THSD7B: variants seen among roughly 807,000 people sequenced by gnomAD.
THSD7B encodes thrombospondin type 1 domain containing 7B.
A neutral mutation model predicts 213.6 loss-of-function variants in THSD7B; 138 were observed. The observed-to-expected ratio is 0.65, with a 90% CI of 0.56 to 0.74. The LOEUF is 0.74. Among genes scored for constraint, THSD7B ranks in the 30% least tolerant of loss-of-function variants. THSD7B has a pLI of 0.00. For synonymous variants in THSD7B, 742 were observed against 687.0 expected, an observed-to-expected ratio of 1.08 and a Z score of -1.25; for missense variants, 1,931 against 1,991.5, an observed-to-expected ratio of 0.97 and a Z score of 0.58.
chr2:137,149,124 C>A (rs987443262), intron 5 of THSD7B, among the ~76,000 whole-genome samples: 2 of 152,156 alleles, frequency 1.3e-5, no homozygotes, highest in Non-Finnish European at 2.9e-5. Flanking sequence ...TAAAAGGAGC[C>A]AATATACAGC....
chr2:137,264,388 G>A (rs11690466), intron 10 of THSD7B, among the ~76,000 whole-genome samples: 14,719 of 151,974 alleles, frequency 0.097, 864 homozygotes, highest in Non-Finnish European at 0.13. Context: ...GAGTAGCTGG[G>A]ACTACAGGCA....
rs188081975 is a variant in THSD7B, at chr2:137,533,997, T to G, written c.3139-29224T>G. ...TTTATTAAATAACTGCCCGTGCACA[T>G]GTATGTGTGTGTGTGTGCGCGCACA... is the stretch of plus-strand genomic sequence containing the variant. On this transcript the variant is annotated intron_variant, in intron 15 of 27. Coordinates refer to ENST00000409968, the MANE Select transcript of THSD7B (RefSeq NM_001316349.2). Among the ~76,000 whole-genome samples the G allele has an allele frequency of 2.6e-3, 347 of 133,716 alleles. 1 individual carries two copies. Among genetic ancestry groups the G allele is most frequent in the African/African-American group, 9.9e-3 (328 of 33,066 alleles). 87.7% of individuals were successfully genotyped at this position (133,716 alleles called of 152,430 possible).
At chr2:137,142,659 G>A (rs1382161250) in intron 5 of THSD7B, among the ~76,000 whole-genome samples, 1 of 151,898 alleles carries the variant, frequency 6.6e-6, no homozygotes, top group African/African-American at 2.4e-5. Flanking sequence ...TAACTTTTAT[G>A]TCTTTTTTAT....
At chr2:137,438,179 G>T (rs1039961628) in intron 14 of THSD7B, among the ~76,000 whole-genome samples, 1 of 152,084 alleles carries the variant, frequency 6.6e-6, no homozygotes, top group Non-Finnish European at 1.5e-5. Context: ...AGATTGGAGA[G>T]GTTCAATGAC....
intron 3 of THSD7B, among the ~76,000 whole-genome samples, chr2:137,060,741 A>G (rs543991685): frequency 6.6e-6 from 1 of 152,018 alleles, no homozygotes; most frequent in South Asian, 2.1e-4. Context: ...TTAGTAACAC[A>G]ATGTTTTGAG....
At chr2:137,623,226 A>T (rs1682556080) in intron 20 of THSD7B, among the ~76,000 whole-genome samples, 1 of 152,176 alleles carries the variant, frequency 6.6e-6, no homozygotes. Flanking sequence ...AAAGACAAAA[A>T]CCACATGATT....
intron 1 of THSD7B, among the ~76,000 whole-genome samples, chr2:136,773,496 T>A (rs1307692829): frequency 6.6e-6 from 1 of 152,134 alleles, no homozygotes; most frequent in African/African-American, 2.4e-5. Flanking sequence ...ATAATATGTC[T>A]TATTAACCCA....
intron 14 of THSD7B, among the ~76,000 whole-genome samples, chr2:137,448,417 A>G (rs1687582708): frequency 6.6e-6 from 1 of 152,188 alleles, no homozygotes; most frequent in East Asian, 1.9e-4. Context: ...AAGATGGAGT[A>G]GTCTGTGTAG....
chr2:137,667,097 T>A (rs1231291667), intron 26 of THSD7B, among the ~76,000 whole-genome samples: 1 of 151,948 alleles, frequency 6.6e-6, no homozygotes, highest in African/African-American at 2.4e-5. Context: ...TTCTTTGTTC[T>A]TTTTGTCAAA....
intron 1 of THSD7B, among the ~76,000 whole-genome samples, chr2:136,850,517 A>G (rs1406077424): frequency 6.6e-6 from 1 of 152,072 alleles, no homozygotes; most frequent in Admixed American, 6.6e-5. Context: ...TGACTCTACC[A>G]TTAGCAGCTT....
Position 137,673,882 on chromosome 2 carries a change from C to T in THSD7B, c.4740-2642C>T, listed in dbSNP as rs183665145. ...GGTGTCTGGCAATTGGGAGGTTGCACAATATGAAAAGATGCTTGATAAATG... is the reference window on the plus strand; with the variant it reads ...GGTGTCTGGCAATTGGGAGGTTGCATAATATGAAAAGATGCTTGATAAATG... On this transcript the variant is annotated intron_variant, in intron 27 of 27. Transcript: ENST00000409968. Among the ~76,000 whole-genome samples the T allele has an allele frequency of 7.0e-4, 106 of 152,216 alleles. No individual in the cohort carries two copies. The East Asian group carries it at 0.011, about 16-fold the overall frequency.
At chr2:137,256,661 A>ACC (rs1682317970) in intron 10 of THSD7B, among the ~76,000 whole-genome samples, 1 of 152,232 alleles carries the variant, frequency 6.6e-6, no homozygotes, top group Non-Finnish European at 1.5e-5. Context: ...TTTAAATTTT[A>ACC]ACCATGAGTG....
intron 2 of THSD7B, among the ~76,000 whole-genome samples, chr2:137,020,672 G>A (rs1434068680): frequency 6.6e-6 from 1 of 152,158 alleles, no homozygotes; most frequent in Admixed American, 6.5e-5. Flanking sequence ...CAGGCAGCTG[G>A]ATTATGAGGG....
chr2:137,006,890 A>G (rs532329310), intron 2 of THSD7B, among the ~76,000 whole-genome samples: 3 of 152,270 alleles, frequency 2.0e-5, no homozygotes. Context: ...TTGAACCAGC[A>G]CTAATGTTGG....
At chr2:137,497,058 A>G (rs1679584586) in intron 15 of THSD7B, among the ~76,000 whole-genome samples, 1 of 152,170 alleles carries the variant, frequency 6.6e-6, no homozygotes, top group South Asian at 2.1e-4. Flanking sequence ...AATTCAAAAC[A>G]GGGTTAATAA....
chr2:137,643,223 T>C (rs1356067040), intron 21 of THSD7B, among the ~76,000 whole-genome samples: 36 of 152,228 alleles, frequency 2.4e-4, no homozygotes, highest in Admixed American at 2.3e-3. Flanking sequence ...GCAAAGATCC[T>C]CTACTGCATT....
chr2:137,501,755 A>C (rs1679712012), intron 15 of THSD7B, among the ~76,000 whole-genome samples: 1 of 152,210 alleles, frequency 6.6e-6, no homozygotes, highest in South Asian at 2.1e-4. Flanking sequence ...TGATTTACTA[A>C]TCTAACTCTG....
At chr2:137,670,848 G>A (rs866424805) in intron 27 of THSD7B, among the ~76,000 whole-genome samples, 1 of 150,226 alleles carries the variant, frequency 6.7e-6, no homozygotes, top group East Asian at 2.0e-4. Flanking sequence ...GTGAACCCGG[G>A]AGGCGGAGCT....
chr2:136,864,943 G>A (rs1683311531), intron 1 of THSD7B, among the ~76,000 whole-genome samples: 1 of 152,132 alleles, frequency 6.6e-6, no homozygotes, highest in Non-Finnish European at 1.5e-5. Context: ...TAGACACTTA[G>A]GTTGCTGCCT....
Sources: gnomAD v4.1 joint callset for allele counts (sites outside exome capture counted in the v4.1 genomes callset) on GRCh38, gnomAD v4.1.1 for gene constraint, MANE v1.5 for transcripts, NCBI Gene and HGNC (gene_info 2026-07-23, HGNC 2026-07-21) for gene names.